LYST: variants seen among roughly 807,000 people sequenced by gnomAD.
LYST encodes the protein lysosomal trafficking regulator.
LYST carries 192 observed loss-of-function variants against 413.6 expected under a neutral mutation model. The observed-to-expected ratio is 0.46, with a 90% CI of 0.41 to 0.52. The LOEUF is 0.52. Ranked by LOEUF, LYST falls within the 20% of genes least tolerant of loss-of-function variation. LYST has a pLI of 0.00. For missense variants in LYST, 3,815 were observed against 4,499.9 expected, an observed-to-expected ratio of 0.85 and a Z score of 4.35; for synonymous variants, 1,525 against 1,567.3, an observed-to-expected ratio of 0.97 and a Z score of 0.64.
At position 235,746,351 on chromosome 1, in the gene LYST, T is replaced by C. The variant is rs141019036; in HGVS notation, c.7957A>G (p.Arg2653Gly). The C allele has an allele frequency of 3.7e-6, 6 of 1,613,650 alleles. No homozygotes were observed. The African/African-American group carries it at 4.0e-5, about 11-fold the overall frequency. Residue 2653 changes from arginine (R) to glycine (G), a missense_variant, in exon 29 of 53, where the codon AGG (arginine) becomes GGG (glycine). Arg to Gly is a moderately radical substitution (Grantham distance 125, BLOSUM62 -2). Coordinates refer to ENST00000389793, the MANE Select transcript of LYST (RefSeq NM_000081.4). ...ATAGTCTTACCTTGATAAATAATCC[T>C]GTTGACTGCTAAAACAGTGAGCCTC... The part of the protein sequence containing the change: ...LQRLTVLAVN[R>G]IIYQEFNSDI...
intron 1 of LYST, among the ~76,000 whole-genome samples, chr1:235,879,129 C>T (rs1477090343): frequency 2.0e-5 from 3 of 152,182 alleles, no homozygotes; most frequent in African/African-American, 7.2e-5. Context: ...CCTCAGCCTC[C>T]CAAAGCACTG....
chr1:235,724,292 A>G (rs1663650334), intron 38 of LYST, 112 bp from the exon 39 acceptor site: 3 of 893,804 alleles, frequency 3.4e-6, no homozygotes, highest in Admixed American at 2.3e-5. Flanking sequence ...TTTGTGGCAG[A>G]TGGCAGATAA....
rs1293452195 is a variant in LYST at position 235,757,415 on chromosome 1, C to G, written c.6925G>C (p.Glu2309Gln). ...ATAAGAAGAACCCCACTTAGGAGTT[C>G]ATATAATCCACAGCATATAGGTACC... ...CLVPICCGLY[E>Q]LLSGVLLILP... The change falls in exon 24 of 53, where the codon GAA (glutamate) becomes CAA (glutamine). Residue 2309 changes from glutamate to glutamine, a missense_variant. Glu to Gln is a conservative substitution (Grantham distance 29, BLOSUM62 2). Coordinates refer to ENST00000389793, the MANE Select transcript of LYST (RefSeq NM_000081.4). 1 of 1,613,510 alleles carries G rather than the reference C, an allele frequency of 6.2e-7. No individual in the cohort carries two copies. The highest frequency in any genetic ancestry group is 8.5e-7 in the Non-Finnish European group (1 of 1,179,714).
intron 46 of LYST, among the ~76,000 whole-genome samples, chr1:235,695,032 T>C (rs1660972227): frequency 6.6e-6 from 1 of 152,240 alleles, no homozygotes; most frequent in African/African-American, 2.4e-5. Context: ...TACAACATTG[T>C]TCAGTCAATG....
intron 16 of LYST, among the ~76,000 whole-genome samples, chr1:235,778,169 C>A (rs1332322924): frequency 1.4e-5 from 2 of 147,304 alleles, no homozygotes; most frequent in African/African-American, 5.3e-5. Flanking sequence ...TAGTCTCAAA[C>A]CCTTGACCTA....
At chr1:235,788,155 T>A (rs1023611336) in intron 13 of LYST, among the ~76,000 whole-genome samples, 1 of 151,948 alleles carries the variant, frequency 6.6e-6, no homozygotes, top group Non-Finnish European at 1.5e-5. Context: ...TATTTTTTGT[T>A]TTTATTTATT....
At chr1:235,827,389 T>C (rs1675449897) in intron 3 of LYST, 1 of 965,310 alleles carries the variant, frequency 1.0e-6, no homozygotes, top group Non-Finnish European at 1.2e-6. Context: ...AAATAAATAT[T>C]AATAAAGCAA....
chr1:235,808,550 T>G lies in LYST; in HGVS notation c.2268A>C (p.Ser756=). The change falls in exon 5 of 53, where the codon TCA becomes TCC. Residue 756 remains serine (S), a synonymous_variant. Coordinates refer to ENST00000389793, the MANE Select transcript of LYST (RefSeq NM_000081.4). ...AHHCQHLSVT[S]AQSHVCSHHN... The stretch of plus-strand genomic sequence containing the variant: ...GATGGCTACATACATGACTTTGAGC[T>G]GAAGTAACGCTTAGGTGTTGACAAT... 1 of 1,613,984 alleles carries G rather than the reference T, an allele frequency of 6.2e-7. No homozygotes were observed.
intron 50 of LYST, among the ~76,000 whole-genome samples, chr1:235,676,460 C>T (rs28639927): frequency 0.08 from 12,210 of 152,158 alleles, 1,588 homozygotes; most frequent in African/African-American, 0.27. Context: ...CAATCAATGA[C>T]AGGGGATCAC....
At chr1:235,737,460 T>C (rs1170803738) in intron 31 of LYST, 1 of 152,182 alleles carries the variant, frequency 6.6e-6, no homozygotes, top group Non-Finnish European at 1.5e-5. Flanking sequence ...TAAACATACC[T>C]AGTCCTTAGA....
chr1:235,694,654 T>G (rs1572014416), intron 46 of LYST, among the ~76,000 whole-genome samples: 1 of 152,290 alleles, frequency 6.6e-6, no homozygotes, highest in East Asian at 1.9e-4. Context: ...GTTGACAACA[T>G]TTTGTAACAA....
At chr1:235,751,092 A>G in intron 28 of LYST, 118 bp downstream of exon 28, 1 of 1,041,734 alleles carries the variant, frequency 9.6e-7, no homozygotes. Flanking sequence ...TCAGGAAAAA[A>G]TCTTTCTTAA....
chr1:235,805,670 T>A lies in LYST; in HGVS notation c.3393+73A>T, dbSNP rs567496317. 98 of 698,366 alleles carry A rather than the reference T, an allele frequency of 1.4e-4. 2 individuals carry two copies. Among genetic ancestry groups the A allele is most frequent in the East Asian group, 4.6e-4 (15 of 32,506 alleles). 43.3% of individuals were successfully genotyped at this position (698,366 alleles called of 1,614,324 possible). A position where few individuals can be genotyped will look rare whatever the true frequency, so the allele number is the denominator to read the frequency against. On this transcript the variant is annotated intron_variant, in intron 6 of 52. Coordinates refer to ENST00000389793, the MANE Select transcript of LYST (RefSeq NM_000081.4). The stretch of plus-strand genomic sequence containing the variant: ...TATTATGTAATACATATTACATTTT[T>A]TATATATATATGTGTGTGTGTATAT...
chr1:235,846,108 C>T (rs1395457186), intron 1 of LYST, among the ~76,000 whole-genome samples: 1 of 152,188 alleles, frequency 6.6e-6, no homozygotes, highest in Admixed American at 6.5e-5. Flanking sequence ...TAAGGACCCT[C>T]ACGGAGTCCA....
intron 3 of LYST, among the ~76,000 whole-genome samples, chr1:235,825,031 A>AAACAACAACAAC (rs534430125): frequency 6.6e-6 from 1 of 151,996 alleles, no homozygotes; most frequent in African/African-American, 2.4e-5. Flanking sequence ...AAAAAAAAGA[A>AAACAACAACAAC]AACAACAACA....
At chr1:235,838,255 T>C (rs1026452182) in intron 1 of LYST, among the ~76,000 whole-genome samples, 23 of 152,200 alleles carry the variant, frequency 1.5e-4, no homozygotes, top group Non-Finnish European at 2.8e-4. Context: ...AGAGACTTCC[T>C]GCCAGGCTGC....
rs901019364 is a variant in LYST, at chr1:235,880,063, G to A, written n.454+3124C>T. 2.0e-5 allele frequency among the ~76,000 whole-genome samples: 3 copies of A among 152,176 alleles called. No individual in the cohort carries two copies. The South Asian group carries it at 6.2e-4, about 32-fold the overall frequency. On this transcript the variant is annotated intron_variant and non_coding_transcript_variant, in intron 1 of 11. Transcript: ENST00000465349. ...GAGAATGGATCTAAGTTTCTCAGAA[G>A]AGTGAACTCTTGTCTCGTTTTTTCT...
rs1331422168 is a variant in LYST at position 235,686,525 on chromosome 1, A to G, written c.10800+424T>C. ...GAAAAATAATAAAATTTCTTCCAGT[A>G]AGTGGTACAAATCCAGACAGACTAC... On this transcript the variant is annotated intron_variant, in intron 48 of 52. Transcript: ENST00000389793. The surrounding 1 kb of genome is among the most constrained non-coding windows in gnomAD (Gnocchi z 4.0). 1.2e-4 allele frequency among the ~76,000 whole-genome samples: 19 copies of G among 152,330 alleles called. No homozygotes were observed. Among genetic ancestry groups the G allele is most frequent in the African/African-American group, 4.6e-4 (19 of 41,570 alleles).
intron 14 of LYST, among the ~76,000 whole-genome samples, chr1:235,784,004 C>T (rs933827407): frequency 2.6e-5 from 4 of 151,962 alleles, no homozygotes; most frequent in South Asian, 2.1e-4. Context: ...CTCAGTGTCC[C>T]GAATAGCTGG....
Sources: gnomAD v4.1 joint callset for allele counts (sites outside exome capture counted in the v4.1 genomes callset) on GRCh38, gnomAD v4.1.1 for gene constraint, Gnocchi (gnomAD v3.1) non-coding constraint, MANE v1.5 for transcripts, NCBI Gene and HGNC (gene_info 2026-07-23, HGNC 2026-07-21) for gene names.